C6orf132: variants seen among roughly 807,000 people sequenced by gnomAD.
The protein encoded by C6orf132 is uncharacterized protein C6orf132.
A neutral mutation model predicts 65.3 loss-of-function variants in C6orf132; 43 were observed. That is an observed-to-expected ratio of 0.66 (90% CI 0.52 to 0.85). The LOEUF (loss-of-function observed/expected upper bound fraction) is 0.85. Ranked by LOEUF, C6orf132 falls within the 40% of genes least tolerant of loss-of-function variation. The pLI, the probability that C6orf132 is intolerant of heterozygous loss-of-function variation, is 0.00. For synonymous variants in C6orf132, 631 were observed against 654.1 expected (o/e 0.96, Z 0.54); for missense variants, 1,488 against 1,548.8 (o/e 0.96, Z 0.66).
rs1398786718 is a variant in C6orf132 at position 42,106,840 on chromosome 6, G to A, written c.1072C>T (p.Pro358Ser). 10 of 1,535,846 alleles carry A rather than the reference G, an allele frequency of 6.5e-6. No individual in the cohort carries two copies. In the East Asian group the frequency reaches 1.7e-4, roughly 26 times the overall value. Residue 358 changes from proline to serine, a missense_variant, in exon 4 of 5, where the codon CCC (proline) becomes TCC (serine). Pro to Ser is a moderately conservative substitution (Grantham distance 74, BLOSUM62 -1). Transcript: ENST00000341865. ...PASQVYPDRA[P>S]EPDCPGELKA... ...AGCTCCCCAGGGCAGTCTGGCTCGG[G>A]GGCCCTGTCTGGGTAGACCTGGGAG...
rs77786632 is a variant in C6orf132 at position 42,122,417 on chromosome 6, G to T, written c.252+6255C>A. 1.7e-3 allele frequency among the ~76,000 whole-genome samples: 253 copies of T among 152,346 alleles called. 2 individuals are homozygous for T. Among genetic ancestry groups the T allele is most frequent in the African/African-American group, 5.5e-3 (227 of 41,572 alleles). Reference sequence around the variant, plus strand: ...GGGCACACATCTGTGAGTCCATGGGGACAAAGAGGCGGCTGTTTATGGGCC... The same window carrying T: ...GGGCACACATCTGTGAGTCCATGGGTACAAAGAGGCGGCTGTTTATGGGCC... On this transcript the variant is annotated intron_variant, in intron 2 of 4. Coordinates refer to ENST00000341865, the MANE Select transcript of C6orf132 (RefSeq NM_001164446.3).
intron 2 of C6orf132, among the ~76,000 whole-genome samples, chr6:42,119,176 G>C (rs2063734130): frequency 6.9e-6 from 1 of 145,936 alleles, no homozygotes; most frequent in African/African-American, 2.5e-5. Context: ...TTGAACCCAG[G>C]GGGCAGAAGT....
chr6:42,125,160 G>A (rs80342388), intron 2 of C6orf132, among the ~76,000 whole-genome samples: 1,979 of 152,270 alleles, frequency 0.013, 18 homozygotes, highest in Non-Finnish European at 0.022. Context: ...TGGTTTTGCC[G>A]CCTGGTCCTG....
intron 1 of C6orf132, among the ~76,000 whole-genome samples, chr6:42,141,643 T>C (rs1767034457): frequency 2.0e-5 from 3 of 152,168 alleles, no homozygotes; most frequent in Admixed American, 2.0e-4. Context: ...TCCTCGGTCT[T>C]AGCCCAGAGA....
chr6:42,132,533 G>T (rs114283960), intron 1 of C6orf132, among the ~76,000 whole-genome samples: 26,656 of 146,130 alleles, frequency 0.18, 2,436 homozygotes, highest in Middle Eastern at 0.22. Context: ...ATAAGAAGAA[G>T]AAGAAGAAGA....
chr6:42,104,586 C>T lies in C6orf132; in HGVS notation c.3326G>A (p.Arg1109His). 7 of 1,326,820 alleles carry T rather than the reference C, an allele frequency of 5.3e-6. No homozygotes were observed. The highest frequency in any genetic ancestry group is 6.7e-6 in the Non-Finnish European group (7 of 1,043,582). 82.2% of individuals were successfully genotyped at this position (1,326,820 alleles called of 1,614,324 possible). The change falls in exon 4 of 5, where the codon CGC becomes CAC. Residue 1109 changes from arginine to histidine, a missense_variant. Arg to His is a conservative substitution (Grantham distance 29). Transcript: ENST00000341865. The surrounding 1 kb of genome is among the most constrained non-coding windows in gnomAD (Gnocchi z 4.1). ...PEMRRVNSAG[R>H]APPGGLHAPR... Reference sequence around the variant, plus strand: ...CGCGTGCAGGCCTCCGGGGGGCGCGCGACCCGCCGAGTTCACGCGCCGCAT... The same window carrying T: ...CGCGTGCAGGCCTCCGGGGGGCGCGTGACCCGCCGAGTTCACGCGCCGCAT...
At position 42,142,412 on chromosome 6, in the gene C6orf132, GA is replaced by G; in HGVS notation, c.32del (p.Phe11SerfsTer51). On this transcript the variant is annotated frameshift_variant, in exon 1 of 5. Coordinates refer to ENST00000341865, the MANE Select transcript of C6orf132 (RefSeq NM_001164446.3). LOFTEE classifies it high-confidence loss of function. Reference protein sequence around the residue: MKKKQTVQGTFSKLFGKKHTT... With the variant: MKKKQTVQGTXSKLFGKKHTT... ...TGTGCTTCTTCCCGAAGAGTTTGCT[GA>G]AGGTGCCCTGCACCGTCTGCTTCTT... The G allele has an allele frequency of 6.4e-7, 1 of 1,551,442 alleles. No individual in the cohort carries two copies. The highest frequency in any genetic ancestry group is 8.7e-7 in the Non-Finnish European group (1 of 1,146,856).
At chr6:42,134,996 G>C (rs1374803998) in intron 1 of C6orf132, among the ~76,000 whole-genome samples, 1 of 152,102 alleles carries the variant, frequency 6.6e-6, no homozygotes, top group Non-Finnish European at 1.5e-5. Flanking sequence ...GTGAGACTCT[G>C]TCTCAAAAAA....
intron 2 of C6orf132, among the ~76,000 whole-genome samples, chr6:42,115,915 CT>C (rs1766560579): frequency 7.5e-5 from 10 of 133,748 alleles, no homozygotes; most frequent in Non-Finnish European, 1.3e-4. Flanking sequence ...TTTTTTTTTT[CT>C]TTTTTCTTTT....
chr6:42,139,684 T>A (rs370912981), intron 1 of C6orf132, among the ~76,000 whole-genome samples: 1 of 152,152 alleles, frequency 6.6e-6, no homozygotes, highest in Non-Finnish European at 1.5e-5. Context: ...AGGGGTTTTT[T>A]TTTGCGTTTT....
At chr6:42,119,747 A>G (rs745377939) in intron 2 of C6orf132, among the ~76,000 whole-genome samples, 53 of 151,704 alleles carry the variant, frequency 3.5e-4, no homozygotes, top group Non-Finnish European at 6.6e-4. Context: ...CTGCTTCCCA[A>G]AGTGCTGGGA....
At chr6:42,131,504 T>A (rs1260290900) in intron 1 of C6orf132, among the ~76,000 whole-genome samples, 2 of 152,096 alleles carry the variant, frequency 1.3e-5, no homozygotes, top group African/African-American at 4.8e-5. Context: ...GAAGCCAGGG[T>A]CTCCCTAAAG....
At position 42,105,523 on chromosome 6, in the gene C6orf132, G is replaced by T. The variant is rs572419947; in HGVS notation, c.2389C>A (p.Pro797Thr). 6.5e-7 allele frequency: 1 copy of T among 1,533,682 alleles called. No individual in the cohort carries two copies. The highest frequency in any genetic ancestry group is 8.7e-7 in the Non-Finnish European group (1 of 1,144,898). The change falls in exon 4 of 5, where the codon CCA becomes ACA. Residue 797 changes from proline to threonine, a missense_variant. By Grantham distance (38) the Pro-to-Thr change is conservative (BLOSUM62 -1). Transcript: ENST00000341865. ...TCCTTCACCTCCACGGGCTCCCCTGGCCCTGCAGCCCCTCCTCTGGCCAGG... is the reference window on the plus strand; with the variant it reads ...TCCTTCACCTCCACGGGCTCCCCTGTCCCTGCAGCCCCTCCTCTGGCCAGG... ...PTLARGGAAG[P>T]GEPVEVKEPP... is the part of the protein sequence containing the mutation.
In C6orf132 at chr6:42,104,671, C is replaced by A. The variant is rs1309960458; in HGVS notation, c.3241G>T (p.Gly1081Cys). 1 of 1,501,146 alleles carries A rather than the reference C, an allele frequency of 6.7e-7. No homozygotes were observed. The highest frequency in any genetic ancestry group is 2.6e-5 in the East Asian group (1 of 38,110). 93.0% of individuals were successfully genotyped at this position (1,501,146 alleles called of 1,614,324 possible). ...PHRGPGLPHG[G>C]TGRSLSSPNC... ...GGAGAGCTCAGGCTGCGGCCGGTGC[C>A]ACCGTGGGGTAGCCCTGGGCCTCGG... Residue 1081 changes from glycine (G) to cysteine (C), a missense_variant, in exon 4 of 5, where the codon GGC (glycine) becomes TGC (cysteine). Transcript: ENST00000341865. This position sits in a 1 kb window ranked among gnomAD's most constrained non-coding sequence, Gnocchi z 4.1.
In C6orf132 at chr6:42,105,456, G is replaced by C; in HGVS notation, c.2456C>G (p.Pro819Arg). 6.5e-7 allele frequency: 1 copy of C among 1,534,554 alleles called. No homozygotes were observed. Among genetic ancestry groups the C allele is most frequent in the Non-Finnish European group, 8.7e-7 (1 of 1,145,636 alleles). Residue 819 changes from proline (P) to arginine (R), a missense_variant, in exon 4 of 5, where the codon CCC becomes CGC. Transcript: ENST00000341865. ...LPAKPPASAQ[P>R]TDELLRHPVT... is the part of the protein sequence containing the mutation. ...CGGGTGCCTGAGGAGTTCATCAGTG[G>C]GCTGGGCCGAGGCAGGAGGCTTGGC... is the stretch of plus-strand genomic sequence containing the variant.
At chr6:42,130,446 A>G (rs1237214025) in intron 1 of C6orf132, among the ~76,000 whole-genome samples, 1 of 152,146 alleles carries the variant, frequency 6.6e-6, no homozygotes, top group Non-Finnish European at 1.5e-5. Flanking sequence ...CTCCTGGGGC[A>G]TTTTCTAGAG....
rs1360367498 is a variant in C6orf132, at chr6:42,104,757, T to C, written c.3155A>G (p.Glu1052Gly). ...GARYAGAGGL[E>G]RFSGGGRSLI... ...CGAGCGGCCCCCTCCCGAGAAGCGC[T>C]CCAGGCCCCCAGCCCCGGCGTAGCG... The change falls in exon 4 of 5, where the codon GAG becomes GGG. Residue 1052 changes from glutamate (E) to glycine (G), a missense_variant. By Grantham distance (98) the Glu-to-Gly change is moderately conservative. Coordinates refer to ENST00000341865, the MANE Select transcript of C6orf132 (RefSeq NM_001164446.3). This position sits in a 1 kb window ranked among gnomAD's most constrained non-coding sequence, Gnocchi z 4.1. 3 of 1,515,942 alleles carry C rather than the reference T, an allele frequency of 2.0e-6. No homozygotes were observed. Among genetic ancestry groups the C allele is most frequent in the Non-Finnish European group, 2.6e-6 (3 of 1,138,048 alleles). 93.9% of individuals were successfully genotyped at this position (1,515,942 alleles called of 1,614,324 possible). A position where few individuals can be genotyped will look rare whatever the true frequency, so the allele number is the denominator to read the frequency against.
intron 2 of C6orf132, among the ~76,000 whole-genome samples, chr6:42,114,096 A>AAGGCC (rs1203126240): frequency 6.6e-6 from 1 of 152,116 alleles, no homozygotes; most frequent in African/African-American, 2.4e-5. Flanking sequence ...GCCTAAGGTA[A>AAGGCC]TATTACTCAC....
intron 1 of C6orf132, among the ~76,000 whole-genome samples, chr6:42,140,788 C>G (rs1767018342): frequency 6.6e-6 from 1 of 152,212 alleles, no homozygotes. Flanking sequence ...TTCAATGAAT[C>G]AGTAACACAA....
Sources: gnomAD v4.1 joint callset for allele counts (sites outside exome capture counted in the v4.1 genomes callset) on GRCh38, gnomAD v4.1.1 for gene constraint, Gnocchi (gnomAD v3.1) non-coding constraint, MANE v1.5 for transcripts, NCBI Gene and HGNC (gene_info 2026-07-23, HGNC 2026-07-21) for gene names.